The following EYS variants were observed in gnomAD, a reference collection of about 807,000 sequenced individuals.
The protein encoded by EYS is protein eyes shut homolog.
A neutral mutation model predicts 282.1 loss-of-function variants in EYS; 250 were observed. The ratio of observed to expected loss-of-function variants is 0.89; its 90% CI spans 0.80 to 0.98. The LOEUF (loss-of-function observed/expected upper bound fraction) is 0.98. Ranked by LOEUF, EYS falls within the 50% of genes least tolerant of loss-of-function variation. The pLI is 0.00. For missense variants in EYS, 4,016 were observed against 3,709.0 expected (o/e 1.08, Z -2.15); for synonymous variants, 1,355 against 1,282.9 (o/e 1.06, Z -1.20).
chr6:64,529,312 T>G (rs1284081523), intron 26 of EYS, among the ~76,000 whole-genome samples: 1 of 152,080 alleles, frequency 6.6e-6, no homozygotes, highest in Non-Finnish European at 1.5e-5. Context: ...AGCAGTCTGT[T>G]GAATGTCTGT....
intron 29 of EYS, among the ~76,000 whole-genome samples, chr6:64,337,370 GA>G (rs200887156): frequency 0.035 from 5,288 of 151,984 alleles, 221 homozygotes; most frequent in African/African-American, 0.096. Flanking sequence ...ACATAAACTA[GA>G]AAACCTAGAA....
At chr6:64,820,427 T>C (rs1450987024) in intron 21 of EYS, among the ~76,000 whole-genome samples, 1 of 152,128 alleles carries the variant, frequency 6.6e-6, no homozygotes, top group African/African-American at 2.4e-5. Flanking sequence ...AAATATGGTT[T>C]TAGACATTAC....
In EYS at chr6:64,173,146, T is replaced by C. The variant is rs183553060; in HGVS notation, c.6424+57446A>G. ...TCTTGAGTATTCTTCTGACCAGCAA[T>C]GGAATTTTAATATAGCAGCTAACTC... On this transcript the variant is annotated intron_variant, in intron 31 of 42. Transcript: ENST00000503581. 4.9e-4 allele frequency among the ~76,000 whole-genome samples: 74 copies of C among 152,236 alleles called. 1 individual carries two copies. Among genetic ancestry groups the C allele is most frequent in the Admixed American group, 4.8e-3 (73 of 15,290 alleles).
chr6:65,149,934 C>T (rs1011122079), intron 12 of EYS, among the ~76,000 whole-genome samples: 7 of 152,050 alleles, frequency 4.6e-5, no homozygotes, highest in Admixed American at 1.3e-4. Flanking sequence ...ATGGAAGAAG[C>T]AAAAGCAAAA....
Position 65,490,616 on chromosome 6 carries a change from A to G in EYS, c.840T>C (p.Cys280=), listed in dbSNP as rs777220640. 2.5e-6 allele frequency: 4 copies of G among 1,610,176 alleles called. No homozygotes were observed. Among genetic ancestry groups the G allele is most frequent in the Non-Finnish European group, 3.4e-6 (4 of 1,176,834 alleles). The change falls in exon 5 of 43, where the codon TGT becomes TGC. Residue 280 remains cysteine (C), a synonymous_variant. Transcript: ENST00000503581. ...TACCTGAAAATTGCTCATCACATTC[A>G]CAAATGAAACTATTTGAAGTAATAT... ...CSNITSNSFI[C]ECDEQFSGPF...
chr6:64,711,758 C>A (rs888536583), intron 22 of EYS, among the ~76,000 whole-genome samples: 2 of 152,266 alleles, frequency 1.3e-5, no homozygotes, highest in Middle Eastern at 3.4e-3. Flanking sequence ...TTCCTCAGAA[C>A]CTTTTCAGAC....
chr6:64,818,040 C>T (rs1192917211), intron 21 of EYS, among the ~76,000 whole-genome samples: 1 of 152,026 alleles, frequency 6.6e-6, no homozygotes, highest in Admixed American at 6.6e-5. Flanking sequence ...TTTTTAAATT[C>T]TGTAATTAGT....
At chr6:65,027,471 C>G (rs1377982115) in intron 13 of EYS, among the ~76,000 whole-genome samples, 1 of 152,124 alleles carries the variant, frequency 6.6e-6, no homozygotes, top group Non-Finnish European at 1.5e-5. Flanking sequence ...GGGTAGAGCT[C>G]TATTGATTTT....
chr6:64,037,935 T>C (rs1770198268), intron 33 of EYS, among the ~76,000 whole-genome samples: 1 of 152,200 alleles, frequency 6.6e-6, no homozygotes, highest in Non-Finnish European at 1.5e-5. Context: ...ATACTTAAAT[T>C]GTAATTTAGG....
At chr6:64,866,064 C>A (rs1209921419) in intron 19 of EYS, among the ~76,000 whole-genome samples, 1 of 151,506 alleles carries the variant, frequency 6.6e-6, no homozygotes, top group East Asian at 1.9e-4. Context: ...GAAACTACTT[C>A]TTGTCTATTT....
chr6:64,016,602 A>G (rs1293159091), intron 33 of EYS, among the ~76,000 whole-genome samples: 3 of 151,700 alleles, frequency 2.0e-5, no homozygotes, highest in East Asian at 1.9e-4. Flanking sequence ...CAGACTCCCA[A>G]GTAGCTGGGA....
chr6:64,728,101 G>A lies in EYS; in HGVS notation c.3443+85277C>T, dbSNP rs570107596. 2.0e-5 allele frequency among the ~76,000 whole-genome samples: 3 copies of A among 152,276 alleles called. No homozygotes were observed. In the South Asian group the frequency reaches 6.2e-4, roughly 32 times the overall value. Reference sequence around the variant, plus strand: ...TGCATTCCACCCCTTGAGGAGGGGAGTGCAGGTGAACAGGTGCAGGAGCCA... The same window carrying A: ...TGCATTCCACCCCTTGAGGAGGGGAATGCAGGTGAACAGGTGCAGGAGCCA... On this transcript the variant is annotated intron_variant, in intron 22 of 42. Coordinates refer to ENST00000503581, the MANE Select transcript of EYS (RefSeq NM_001142800.2).
At chr6:65,530,601 A>C (rs1264139162) in intron 2 of EYS, among the ~76,000 whole-genome samples, 1 of 152,262 alleles carries the variant, frequency 6.6e-6, no homozygotes, top group Non-Finnish European at 1.5e-5. Flanking sequence ...CAAGAATTAA[A>C]CTGGATTCAT....
At chr6:65,274,067 G>A (rs1367186675) in intron 12 of EYS, among the ~76,000 whole-genome samples, 1 of 152,048 alleles carries the variant, frequency 6.6e-6, no homozygotes, top group Non-Finnish European at 1.5e-5. Flanking sequence ...ATCACAAGGG[G>A]CCCAGTGAGT....
chr6:65,205,139 G>A (rs1192982556), intron 12 of EYS, among the ~76,000 whole-genome samples: 3 of 147,660 alleles, frequency 2.0e-5, no homozygotes, highest in African/African-American at 7.4e-5. Flanking sequence ...CCAACTGTCG[G>A]CTGCCTATGA....
intron 28 of EYS, among the ~76,000 whole-genome samples, chr6:64,396,483 A>G (rs1201702520): frequency 6.6e-6 from 1 of 152,030 alleles, no homozygotes; most frequent in Non-Finnish European, 1.5e-5. Flanking sequence ...CCAATTGATC[A>G]ATCTTTTCCT....
chr6:65,413,643 A>G lies in EYS; in HGVS notation c.863-8276T>C, dbSNP rs1767115350. 2.6e-5 allele frequency among the ~76,000 whole-genome samples: 4 copies of G among 152,030 alleles called. No individual in the cohort carries two copies. The South Asian group carries it at 8.3e-4, about 31-fold the overall frequency. On this transcript the variant is annotated intron_variant, in intron 5 of 42. Transcript: ENST00000503581. ...GGGAGGCTGAGGCGCACCGATCATG[A>G]GGTCAGGAGTTCGAGACCAGCCTGG...
At chr6:64,184,418 C>A (rs185886737) in intron 31 of EYS, among the ~76,000 whole-genome samples, 9 of 152,144 alleles carry the variant, frequency 5.9e-5, no homozygotes, top group Admixed American at 5.9e-4. Flanking sequence ...GTATACCATC[C>A]ATTGAGGTTA....
At position 63,993,499 on chromosome 6, in the gene EYS, G is replaced by A. The variant is rs146727169; in HGVS notation, c.6834+5576C>T. Among the ~76,000 whole-genome samples, 523 of 151,698 alleles carry A rather than the reference G, an allele frequency of 3.4e-3. 2 individuals are homozygous for A. Among genetic ancestry groups the A allele is most frequent in the Non-Finnish European group, 4.5e-3 (303 of 67,798 alleles). Reference sequence around the variant, plus strand: ...GCAAAATTTCAGGATACAAAAATCAGCAAAAATTAATTACATTTCTATAGA... The same window carrying A: ...GCAAAATTTCAGGATACAAAAATCAACAAAAATTAATTACATTTCTATAGA... On this transcript the variant is annotated intron_variant, in intron 34 of 42. Transcript: ENST00000503581.
Sources: gnomAD v4.1 joint callset for allele counts (sites outside exome capture counted in the v4.1 genomes callset) on GRCh38, gnomAD v4.1.1 for gene constraint, MANE v1.5 for transcripts, NCBI Gene and HGNC (gene_info 2026-07-23, HGNC 2026-07-21) for gene names.